BRF1: variants seen among roughly 807,000 people sequenced by gnomAD.
BRF1 encodes transcription factor IIIB 90 kDa subunit.
In BRF1, 59 loss-of-function variants were observed where a neutral mutation model predicts 81.7. That is an observed-to-expected ratio of 0.72 (90% confidence interval 0.59 to 0.90). The LOEUF (loss-of-function observed/expected upper bound fraction) is 0.90. Ranked by LOEUF, BRF1 falls within the 40% of genes least tolerant of loss-of-function variation. The pLI is 0.00. For missense variants in BRF1, 1,050 were observed against 936.3 expected, an observed-to-expected ratio of 1.12 and a Z score of -1.58; for synonymous variants, 491 against 395.6, an observed-to-expected ratio of 1.24 and a Z score of -2.86.
At chr14:105,211,730 C>CA (rs1247742488) in intron 16 of BRF1, 3 of 373,986 alleles carry the variant, frequency 8.0e-6, no homozygotes, top group African/African-American at 6.2e-5. Context: ...TTTCCTGGGC[C>CA]AGACCAGTCC....
intron 12 of BRF1, 101 bp from the exon 13 acceptor site, chr14:105,219,333 A>G (rs1891867868): frequency 1.9e-6 from 3 of 1,565,234 alleles, no homozygotes; most frequent in Non-Finnish European, 2.6e-6. Flanking sequence ...CGTTAGAGGA[A>G]GGGGAACCCG....
chr14:105,268,456 G>C (rs1376437848), intron 3 of BRF1, among the ~76,000 whole-genome samples: 1 of 152,268 alleles, frequency 6.6e-6, no homozygotes, highest in African/African-American at 2.4e-5. Flanking sequence ...GACTGGCTGT[G>C]TCAGCCACCA....
At chr14:105,251,786 G>C (rs1275893098) in intron 5 of BRF1, among the ~76,000 whole-genome samples, 1 of 151,970 alleles carries the variant, frequency 6.6e-6, no homozygotes, top group African/African-American at 2.4e-5. Flanking sequence ...GAAAGGGTAG[G>C]TCAGAACCAT....
At position 105,256,164 on chromosome 14, in the gene BRF1, T is replaced by G. The variant is rs1260548794; in HGVS notation, c.471+354A>C. 4 of 1,485,594 alleles carry G rather than the reference T, an allele frequency of 2.7e-6. No homozygotes were observed. In the African/African-American group the frequency reaches 4.2e-5, roughly 16 times the overall value. The allele number at this position is 1,485,594 out of a possible 1,614,324, so 92.0% of individuals were successfully genotyped here. A position where few individuals can be genotyped will look rare whatever the true frequency, so the allele number is the denominator to read the frequency against. On this transcript the variant is annotated intron_variant, in intron 4 of 17. Coordinates refer to ENST00000547530, the MANE Select transcript of BRF1 (RefSeq NM_001519.4). ...AAATAAAATGCAAGGTCAAAAGAAA[T>G]AATCTCCTATACCAAACTAGGTACT...
At chr14:105,248,474 A>G (rs899307475) in intron 5 of BRF1, 4 of 983,006 alleles carry the variant, frequency 4.1e-6, no homozygotes, top group African/African-American at 3.5e-5. Flanking sequence ...AGCTTCGAGG[A>G]TGTCGGGCCT....
At chr14:105,225,913 T>C (rs1452019718) in intron 10 of BRF1, among the ~76,000 whole-genome samples, 156 bp downstream of exon 10, 1 of 152,264 alleles carries the variant, frequency 6.6e-6, no homozygotes, top group East Asian at 1.9e-4. Flanking sequence ...CCTAAAGTGC[T>C]GGGATTACAG....
chr14:105,220,864 C>A (rs1892171372), intron 11 of BRF1, among the ~76,000 whole-genome samples: 1 of 152,226 alleles, frequency 6.6e-6, no homozygotes, highest in African/African-American at 2.4e-5. Context: ...TCCTCAGCTC[C>A]AGCCAGAATG....
At chr14:105,249,536 C>G (rs2055450654) in intron 5 of BRF1, 2 of 1,600,158 alleles carry the variant, frequency 1.2e-6, no homozygotes, top group Non-Finnish European at 1.7e-6. Flanking sequence ...CCTCCGGAGG[C>G]TTCTGAAGGG....
In BRF1 at chr14:105,210,874, A is replaced by C. The variant is rs975690689; in HGVS notation, c.1996+248T>G. Among the ~76,000 whole-genome samples, 2 of 152,004 alleles carry C rather than the reference A, an allele frequency of 1.3e-5. No individual in the cohort carries two copies. The highest frequency in any genetic ancestry group is 4.8e-5 in the African/African-American group (2 of 41,356). On this transcript the variant is annotated intron_variant, in intron 17 of 17. Coordinates refer to ENST00000547530, the MANE Select transcript of BRF1 (RefSeq NM_001519.4). The surrounding 1 kb of genome is among the most constrained non-coding windows in gnomAD (Gnocchi z 4.7). ...GTCCGTGGTGGTGTGCAGATCCGGGAACCTCGTGCTGCTGGCTGGGCGGCC... is the reference window on the plus strand; with the variant it reads ...GTCCGTGGTGGTGTGCAGATCCGGGCACCTCGTGCTGCTGGCTGGGCGGCC...
At position 105,249,284 on chromosome 14, in the gene BRF1, G is replaced by A. The variant is rs979960030; in HGVS notation, c.544+3223C>T. The A allele has an allele frequency of 3.2e-6, 5 of 1,559,718 alleles. No individual in the cohort carries two copies. In the Admixed American group the frequency reaches 7.5e-5, roughly 23 times the overall value. On this transcript the variant is annotated intron_variant, in intron 5 of 17. Coordinates refer to ENST00000547530, the MANE Select transcript of BRF1 (RefSeq NM_001519.4). ...CGGCCCCTCTCGGAACGCGTGCCCC[G>A]TCCGCCCCGTCCGCCGTGTGGCTGA...
At chr14:105,215,988 G>A (rs587695385) in intron 15 of BRF1, among the ~76,000 whole-genome samples, 4,410 of 93,110 alleles carry the variant, frequency 0.047, 629 homozygotes, top group African/African-American at 0.23. Context: ...GCATACACAG[G>A]CGCACACACA....
chr14:105,268,478 CAA>C (rs1445775086), intron 3 of BRF1, among the ~76,000 whole-genome samples: 1 of 152,196 alleles, frequency 6.6e-6, no homozygotes, highest in South Asian at 2.1e-4. Context: ...GCTACGGGGC[CAA>C]GAGAGGAGGT....
Position 105,210,351 on chromosome 14 carries a change from C to T in BRF1, c.*200G>A, listed in dbSNP as rs1188338305. On this transcript the variant is annotated 3_prime_UTR_variant, in exon 18 of 18. Coordinates refer to ENST00000547530, the MANE Select transcript of BRF1 (RefSeq NM_001519.4). The surrounding 1 kb of genome is among the most constrained non-coding windows in gnomAD (Gnocchi z 4.7). Reference sequence around the variant, plus strand: ...ACATCTGATCACACACATGCAGACGCTTGGTCCGGTTTCCCTTGCTGAATA... The same window carrying T: ...ACATCTGATCACACACATGCAGACGTTTGGTCCGGTTTCCCTTGCTGAATA... 6.4e-6 allele frequency: 4 copies of T among 620,314 alleles called. No homozygotes were observed. The highest frequency in any genetic ancestry group is 5.5e-5 in the African/African-American group (3 of 54,224). 38.4% of individuals were successfully genotyped at this position (620,314 alleles called of 1,614,324 possible). A position where few individuals can be genotyped will look rare whatever the true frequency, so the allele number is the denominator to read the frequency against.
rs1331901245 is a variant in BRF1 at position 105,272,132 on chromosome 14, T to C, written c.439+589A>G. 1.5e-3 allele frequency among the ~76,000 whole-genome samples: 103 copies of C among 69,744 alleles called. 1 individual carries two copies. The highest frequency in any genetic ancestry group is 3.2e-3 in the African/African-American group (58 of 18,156). 45.8% of individuals were successfully genotyped at this position (69,744 alleles called of 152,430 possible). A position where few individuals can be genotyped will look rare whatever the true frequency, so the allele number is the denominator to read the frequency against. Reference sequence around the variant, plus strand: ...ACACCGCTGAGGGTCGGGGGCCTCCTCGCCCACCGCCTGCGGTCACGGTGT... The same window carrying C: ...ACACCGCTGAGGGTCGGGGGCCTCCCCGCCCACCGCCTGCGGTCACGGTGT... On this transcript the variant is annotated intron_variant, in intron 3 of 17. Coordinates refer to ENST00000547530, the MANE Select transcript of BRF1 (RefSeq NM_001519.4).
intron 1 of BRF1, 139 bp from the exon 2 acceptor site, chr14:105,286,515 C>T: frequency 1.2e-6 from 1 of 833,528 alleles, no homozygotes; most frequent in Non-Finnish European, 1.9e-6. Context: ...GCCCCCCGCA[C>T]CTCCGTCACT....
chr14:105,212,048 T>TG, intron 16 of BRF1, 65 bp downstream of exon 16: 1 of 1,586,160 alleles, frequency 6.3e-7, no homozygotes, highest in Non-Finnish European at 8.6e-7. Context: ...ACCAAGCATC[T>TG]GGGCCCAGGA....
chr14:105,267,045 G>GA (rs1192957533), intron 3 of BRF1, among the ~76,000 whole-genome samples: 13 of 151,998 alleles, frequency 8.6e-5, no homozygotes, highest in Non-Finnish European at 1.5e-5. Flanking sequence ...CCTGTCTCAT[G>GA]AAAAAAATGA....
rs1022695183 is a variant in BRF1 at position 105,284,986 on chromosome 14, A to G, written c.265+1310T>C. 6.6e-6 allele frequency among the ~76,000 whole-genome samples: 1 copy of G among 152,246 alleles called. No individual in the cohort carries two copies. The highest frequency in any genetic ancestry group is 1.5e-5 in the Non-Finnish European group (1 of 68,048). ...AGAAGTACAAAACTTATACTCTGAG[A>G]ACTAATAAAATTGTTGAAACAAATT... On this transcript the variant is annotated intron_variant, in intron 2 of 17. Transcript: ENST00000547530. This position sits in a 1 kb window ranked among gnomAD's most constrained non-coding sequence, Gnocchi z 4.0.
intron 5 of BRF1, chr14:105,248,659 G>C (rs992514821): frequency 2.0e-6 from 2 of 980,890 alleles, no homozygotes; most frequent in Admixed American, 6.3e-5. Context: ...GCAGGGGCGG[G>C]GGTGGCAGGG....
Sources: allele counts gnomAD v4.1 joint callset (sites outside exome capture counted in the v4.1 genomes callset), GRCh38; gene constraint gnomAD v4.1.1; non-coding constraint Gnocchi (gnomAD v3.1); transcripts MANE v1.5; gene names NCBI Gene and HGNC (gene_info 2026-07-23, HGNC 2026-07-21).